Variants in CNTNAP4 observed in about 807,000 individuals in gnomAD.
CNTNAP4 encodes the protein contactin associated protein family member 4.
A neutral mutation model predicts 148.4 loss-of-function variants in CNTNAP4; 98 were observed. The ratio of observed to expected loss-of-function variants is 0.66; its 90% CI spans 0.56 to 0.78. CNTNAP4 has a LOEUF of 0.78. Among genes scored for constraint, CNTNAP4 ranks in the 30% least tolerant of loss-of-function variants. The pLI, the probability that CNTNAP4 is intolerant of heterozygous loss-of-function variation, is 0.00. For missense variants in CNTNAP4, 1,935 were observed against 1,565.6 expected, an observed-to-expected ratio of 1.24 and a Z score of -3.98; for synonymous variants, 730 against 565.1, an observed-to-expected ratio of 1.29 and a Z score of -4.14.
intron 12 of CNTNAP4, among the ~76,000 whole-genome samples, chr16:76,486,671 G>A (rs1372189941): frequency 2.0e-5 from 3 of 152,156 alleles, no homozygotes; most frequent in Non-Finnish European, 4.4e-5. Flanking sequence ...AGATGCATTT[G>A]CTTATTTTCT....
chr16:76,367,055 A>G (rs567269742), intron 3 of CNTNAP4, among the ~76,000 whole-genome samples: 1 of 151,894 alleles, frequency 6.6e-6, no homozygotes, highest in African/African-American at 2.4e-5. Flanking sequence ...ATTTATTAAT[A>G]TATATTAATT....
chr16:76,464,767 C>T (rs1568282122), intron 9 of CNTNAP4, among the ~76,000 whole-genome samples: 1 of 152,196 alleles, frequency 6.6e-6, no homozygotes, highest in Non-Finnish European at 1.5e-5. Flanking sequence ...ATATGCCACA[C>T]CAGACTTCTC....
intron 2 of CNTNAP4, among the ~76,000 whole-genome samples, chr16:76,338,074 A>G (rs1204607196): frequency 1.3e-5 from 2 of 152,230 alleles, no homozygotes; most frequent in Non-Finnish European, 2.9e-5. Context: ...GCTTACAAAG[A>G]TGACGGGATT....
intron 2 of CNTNAP4, among the ~76,000 whole-genome samples, chr16:76,347,600 G>A (rs936893219): frequency 1.6e-4 from 24 of 152,146 alleles, no homozygotes; most frequent in Non-Finnish European, 3.5e-4. Flanking sequence ...TAAATGGGAG[G>A]ACAGGAGATA....
intron 1 of CNTNAP4, among the ~76,000 whole-genome samples, chr16:76,289,490 C>T (rs552107337): frequency 6.6e-6 from 1 of 150,832 alleles, no homozygotes; most frequent in Non-Finnish European, 1.5e-5. Context: ...CTTTTGCCTA[C>T]AAACATATGC....
intron 3 of CNTNAP4, among the ~76,000 whole-genome samples, chr16:76,416,083 T>C (rs2078971190): frequency 6.6e-6 from 1 of 151,292 alleles, no homozygotes. Flanking sequence ...TCTTCTGATA[T>C]CCATGGGCTC....
At chr16:76,326,734 G>A (rs1399191165) in intron 2 of CNTNAP4, among the ~76,000 whole-genome samples, 2 of 150,314 alleles carry the variant, frequency 1.3e-5, no homozygotes, top group Non-Finnish European at 3.0e-5. Flanking sequence ...TCACTCATAG[G>A]TGGGAATTGA....
At chr16:76,321,577 C>T (rs1249905236) in intron 2 of CNTNAP4, among the ~76,000 whole-genome samples, 2 of 151,942 alleles carry the variant, frequency 1.3e-5, no homozygotes, top group Non-Finnish European at 2.9e-5. Flanking sequence ...ATCACGAGGT[C>T]AGGAGATCGA....
chr16:76,482,289 C>T (rs949731664), intron 12 of CNTNAP4, among the ~76,000 whole-genome samples: 3 of 152,166 alleles, frequency 2.0e-5, no homozygotes, highest in African/African-American at 7.2e-5. Flanking sequence ...TTTCTCTTTG[C>T]ATAGCTATGA....
intron 3 of CNTNAP4, among the ~76,000 whole-genome samples, chr16:76,362,346 C>A (rs1347813356): frequency 6.6e-6 from 1 of 152,036 alleles, no homozygotes; most frequent in Non-Finnish European, 1.5e-5. Context: ...TCTATAGATT[C>A]AATGCAATCC....
intron 8 of CNTNAP4, among the ~76,000 whole-genome samples, chr16:76,460,753 C>CAA (rs1158805627): frequency 1.7e-3 from 26 of 15,466 alleles, no homozygotes; most frequent in African/African-American, 4.4e-3. Flanking sequence ...ACTCATGTCT[C>CAA]AAAAAAAAAA....
intron 1 of CNTNAP4, among the ~76,000 whole-genome samples, chr16:76,310,436 T>C (rs1483480502): frequency 6.6e-6 from 1 of 152,184 alleles, no homozygotes; most frequent in African/African-American, 2.4e-5. Context: ...TAGATTGGAA[T>C]AAAATGTTTT....
chr16:76,383,395 G>GAAA (rs34346486), intron 3 of CNTNAP4, among the ~76,000 whole-genome samples: 2 of 58,264 alleles, frequency 3.4e-5, no homozygotes, highest in African/African-American at 4.8e-5. Flanking sequence ...TACAGGAACA[G>GAAA]AAAAAAAAAA....
chr16:76,429,735 C>T (rs1025074506), intron 4 of CNTNAP4, among the ~76,000 whole-genome samples: 5 of 152,162 alleles, frequency 3.3e-5, no homozygotes, highest in Non-Finnish European at 5.9e-5. Flanking sequence ...CTCCCCCTCA[C>T]CTGTCTTGAT....
intron 13 of CNTNAP4, among the ~76,000 whole-genome samples, chr16:76,494,616 G>A (rs1025944973): frequency 6.6e-6 from 1 of 152,174 alleles, no homozygotes; most frequent in African/African-American, 2.4e-5. Flanking sequence ...TATGTGAGCT[G>A]CTCTCAATTC....
In CNTNAP4 at chr16:76,509,616, A is replaced by T. The variant is rs540421191; in HGVS notation, c.2365+10922A>T. Among the ~76,000 whole-genome samples, 4 of 97,412 alleles carry T rather than the reference A, an allele frequency of 4.1e-5. 2 individuals are homozygous for T. The highest frequency in any genetic ancestry group is 1.2e-4 in the Non-Finnish European group (4 of 34,346). 63.9% of individuals were successfully genotyped at this position (97,412 alleles called of 152,430 possible). A position where few individuals can be genotyped will look rare whatever the true frequency, so the allele number is the denominator to read the frequency against. On this transcript the variant is annotated intron_variant, in intron 15 of 23. Transcript: ENST00000611870. ...GTAGAGTCACTACATTTTATATTAA[A>T]TGTATTTTTAAATTATAAGCAGCAT... is the stretch of plus-strand genomic sequence containing the variant.
At chr16:76,457,629 G>T (rs1368277488) in intron 8 of CNTNAP4, among the ~76,000 whole-genome samples, 4 of 152,114 alleles carry the variant, frequency 2.6e-5, no homozygotes, top group African/African-American at 9.7e-5. Context: ...CAAAGTATGG[G>T]TCCTGGACCA....
chr16:76,363,827 A>G (rs888120805), intron 3 of CNTNAP4, among the ~76,000 whole-genome samples: 1 of 152,188 alleles, frequency 6.6e-6, no homozygotes, highest in Admixed American at 6.5e-5. Flanking sequence ...CATCTTCTTC[A>G]TTAAGTAGTG....
intron 13 of CNTNAP4, among the ~76,000 whole-genome samples, chr16:76,491,857 T>A (rs1440623517): frequency 6.1e-5 from 1 of 16,262 alleles, no homozygotes; most frequent in Non-Finnish European, 1.9e-4. Context: ...TATCCCATTG[T>A]GTGTGTGTGT....
Sources: gnomAD v4.1 joint callset for allele counts (sites outside exome capture counted in the v4.1 genomes callset) on GRCh38, gnomAD v4.1.1 for gene constraint, MANE v1.5 for transcripts, NCBI Gene and HGNC (gene_info 2026-07-23, HGNC 2026-07-21) for gene names.